The following PARD3B variants were observed in gnomAD, a reference collection of about 807,000 sequenced individuals.
The protein encoded by PARD3B is par-3 family cell polarity regulator beta.
A neutral mutation model predicts 130.2 loss-of-function variants in PARD3B; 103 were observed. The observed-to-expected ratio is 0.79, with a 90% CI of 0.67 to 0.93. The LOEUF is 0.93. Ranked by LOEUF, PARD3B falls within the 40% of genes least tolerant of loss-of-function variation. The probability of loss-of-function intolerance (pLI) is 0.00; values close to 1 mark genes in which losing one functional copy is unlikely to be tolerated. For missense variants in PARD3B, 1,609 were observed against 1,499.2 expected (o/e 1.07, Z -1.21); for synonymous variants, 583 against 553.2 (o/e 1.05, Z -0.76).
chr2:204,767,067 T>A (rs1034718704), intron 2 of PARD3B, among the ~76,000 whole-genome samples: 3 of 127,970 alleles, frequency 2.3e-5, no homozygotes, highest in Non-Finnish European at 4.9e-5. Context: ...GTTACATATG[T>A]ATACATGTGC....
At chr2:205,252,696 G>C (rs1343243508) in intron 16 of PARD3B, among the ~76,000 whole-genome samples, 2 of 152,026 alleles carry the variant, frequency 1.3e-5, no homozygotes, top group African/African-American at 4.8e-5. Flanking sequence ...AGCCAAGTAG[G>C]CAGAGATTAG....
intron 4 of PARD3B, among the ~76,000 whole-genome samples, chr2:205,052,423 A>ATATATATATATATATATATATATG (rs1559390532): frequency 3.0e-4 from 4 of 13,406 alleles, no homozygotes; most frequent in Non-Finnish European, 4.9e-4. Flanking sequence ...ATATATGTAT[A>ATATATATATATATATATATATATG]TATATATATA....
intron 18 of PARD3B, among the ~76,000 whole-genome samples, chr2:205,354,474 A>C (rs2044116520): frequency 6.7e-6 from 1 of 149,292 alleles, no homozygotes; most frequent in African/African-American, 2.4e-5. Context: ...AAAATGAAAA[A>C]AAGTAAAAAA....
chr2:205,418,383 C>A (rs1451131726), intron 19 of PARD3B, among the ~76,000 whole-genome samples: 1 of 152,084 alleles, frequency 6.6e-6, no homozygotes, highest in Admixed American at 6.6e-5. Context: ...TGGCAAGATG[C>A]GTAAAACACA....
chr2:205,054,509 A>G (rs1699511016), intron 4 of PARD3B, among the ~76,000 whole-genome samples: 2 of 136,922 alleles, frequency 1.5e-5, no homozygotes, highest in South Asian at 2.4e-4. Flanking sequence ...GGTTTGTTAC[A>G]TATGTATACA....
intron 19 of PARD3B, among the ~76,000 whole-genome samples, chr2:205,406,773 C>T (rs1207355301): frequency 1.3e-5 from 2 of 149,314 alleles, no homozygotes; most frequent in African/African-American, 2.5e-5. Context: ...CAGGTTCAAG[C>T]GATTCTTCTG....
intron 20 of PARD3B, among the ~76,000 whole-genome samples, chr2:205,490,870 T>C (rs2049676632): frequency 6.6e-6 from 1 of 152,246 alleles, no homozygotes; most frequent in South Asian, 2.1e-4. Flanking sequence ...CCAGTGATGA[T>C]GACCATTTTT....
At chr2:205,126,015 A>C (rs1320192119) in intron 10 of PARD3B, among the ~76,000 whole-genome samples, 2 of 152,220 alleles carry the variant, frequency 1.3e-5, no homozygotes, top group Non-Finnish European at 2.9e-5. Flanking sequence ...TAAAATATAT[A>C]TTGAATATGT....
chr2:204,954,896 G>A (rs546410945), intron 2 of PARD3B, among the ~76,000 whole-genome samples: 2 of 152,162 alleles, frequency 1.3e-5, no homozygotes, highest in Non-Finnish European at 2.9e-5. Context: ...TTTAGAAGGT[G>A]GTGGCTTTGT....
intron 22 of PARD3B, among the ~76,000 whole-genome samples, chr2:205,581,199 A>T (rs2053950469): frequency 6.7e-6 from 1 of 149,320 alleles, no homozygotes; most frequent in Non-Finnish European, 1.5e-5. Flanking sequence ...TCTATCAACA[A>T]ATAAATGGAT....
chr2:205,055,470 A>G (rs770651338), intron 4 of PARD3B, among the ~76,000 whole-genome samples: 1 of 152,202 alleles, frequency 6.6e-6, no homozygotes, highest in Non-Finnish European at 1.5e-5. Flanking sequence ...ATGTAATTTG[A>G]CAGTGTTGTT....
chr2:205,213,015 G>T (rs2037724241), intron 15 of PARD3B, among the ~76,000 whole-genome samples: 1 of 152,120 alleles, frequency 6.6e-6, no homozygotes, highest in Non-Finnish European at 1.5e-5. Flanking sequence ...ATCTCAGCTA[G>T]TAAATGGTGG....
chr2:204,717,546 C>T (rs1046772768), intron 2 of PARD3B, among the ~76,000 whole-genome samples: 3 of 152,014 alleles, frequency 2.0e-5, no homozygotes, highest in Admixed American at 6.6e-5. Flanking sequence ...TTGGTGGTGG[C>T]CTGGAGAGAA....
chr2:204,652,559 C>T (rs1388547873), intron 1 of PARD3B, among the ~76,000 whole-genome samples: 1 of 152,222 alleles, frequency 6.6e-6, no homozygotes. Flanking sequence ...GACTTTCCCA[C>T]ATCTTCCTGT....
At chr2:205,172,527 T>G in intron 12 of PARD3B, 146 bp downstream of exon 12, 1 of 777,250 alleles carries the variant, frequency 1.3e-6, no homozygotes, top group Middle Eastern at 3.9e-4. Context: ...TTGTGTATTT[T>G]AGGTATAATA....
At chr2:204,693,745 C>T (rs76268759) in intron 2 of PARD3B, among the ~76,000 whole-genome samples, 2,797 of 152,106 alleles carry the variant, frequency 0.018, 43 homozygotes, top group Middle Eastern at 0.072. Context: ...AACTACTGTA[C>T]GATTTATTAT....
chr2:205,040,145 G>T (rs1698290875), intron 3 of PARD3B, among the ~76,000 whole-genome samples: 2 of 152,016 alleles, frequency 1.3e-5, no homozygotes, highest in South Asian at 4.1e-4. Context: ...TATGTTTTTA[G>T]TAGAGATGGG....
intron 2 of PARD3B, among the ~76,000 whole-genome samples, chr2:204,881,576 C>G (rs2046051722): frequency 6.6e-6 from 1 of 151,548 alleles, no homozygotes; most frequent in African/African-American, 2.4e-5. Context: ...AGTTATAGAT[C>G]TCGTTCTGAA....
chr2:205,218,879 A>G (rs2038087305), intron 15 of PARD3B, among the ~76,000 whole-genome samples: 1 of 152,160 alleles, frequency 6.6e-6, no homozygotes, highest in Non-Finnish European at 1.5e-5. Context: ...CAGGAATTCA[A>G]GACCAGCCTG....
Sources: gnomAD v4.1 joint callset for allele counts (sites outside exome capture counted in the v4.1 genomes callset) on GRCh38, gnomAD v4.1.1 for gene constraint, MANE v1.5 for transcripts, NCBI Gene and HGNC (gene_info 2026-07-23, HGNC 2026-07-21) for gene names.